Variants in TIMM50 observed in about 807,000 individuals in gnomAD.
TIMM50 encodes mitochondrial import inner membrane translocase subunit TIM50.
TIMM50 carries 34 observed loss-of-function variants against 49.6 expected under a neutral mutation model. The observed-to-expected ratio is 0.69, with a 90% CI of 0.52 to 0.91. TIMM50 has a LOEUF of 0.91. TIMM50 is among the 40% of genes least tolerant of loss of function. The pLI is 0.00. For synonymous variants in TIMM50, 199 were observed against 198.4 expected (o/e 1.00, Z -0.03); for missense variants, 458 against 477.8 (o/e 0.96, Z 0.39).
intron 2 of TIMM50, 130 bp from the exon 3 acceptor site, chr19:39,482,755 G>T: frequency 8.1e-7 from 1 of 1,238,684 alleles, no homozygotes; most frequent in Non-Finnish European, 1.2e-6. Context: ...CCCCCTCCTG[G>T]CTTGACTCCA....
chr19:39,483,306 G>A, intron 4 of TIMM50, 150 bp downstream of exon 4: 1 of 1,017,210 alleles, frequency 9.8e-7, no homozygotes, highest in Non-Finnish European at 1.5e-6. Flanking sequence ...TGTGGGGAGG[G>A]ACATTACAAA....
In TIMM50 at chr19:39,489,767, C is replaced by T. The variant is rs766615677; in HGVS notation, c.1009C>T (p.Leu337Phe). ...GCTCTCCAAGTCCAACAAGCAGAAC[C>T]TCTTCCTTGGCTCCCTCACCAGCCG... ...AELSKSNKQN[L>F]FLGSLTSRLW... Residue 337 changes from leucine to phenylalanine, a missense_variant, in exon 11 of 11, where the codon CTC (leucine) becomes TTC (phenylalanine). Coordinates refer to ENST00000607714, the MANE Select transcript of TIMM50 (RefSeq NM_001001563.5). 7.4e-6 allele frequency: 12 copies of T among 1,612,448 alleles called. No homozygotes were observed. The highest frequency in any genetic ancestry group is 2.2e-5 in the South Asian group (2 of 90,466).
intron 6 of TIMM50, 131 bp from the exon 7 acceptor site, chr19:39,486,056 G>T: frequency 1.8e-6 from 2 of 1,123,470 alleles, no homozygotes; most frequent in South Asian, 1.4e-5. Flanking sequence ...TGAACTTCTT[G>T]ACCTCCAAGA....
chr19:39,481,228 A>G (rs1258040138), intron 1 of TIMM50: 1 of 523,520 alleles, frequency 1.9e-6, no homozygotes, highest in Non-Finnish European at 3.3e-6. Context: ...GTGACCACTC[A>G]GGTGATACTT....
At chr19:39,487,084 G>C (rs187831969) in intron 8 of TIMM50, among the ~76,000 whole-genome samples, 1 of 152,274 alleles carries the variant, frequency 6.6e-6, no homozygotes, top group Admixed American at 6.5e-5. Context: ...TGTGGCTGCA[G>C]ATCTGTCTGC....
rs2079559845 is a variant in TIMM50 at position 39,493,239 on chromosome 19, G to C, written c.*3419G>C. 1 of 152,020 alleles carries C rather than the reference G, an allele frequency of 6.6e-6. No homozygotes were observed. The highest frequency in any genetic ancestry group is 2.1e-4 in the South Asian group (1 of 4,822). 9.4% of individuals were successfully genotyped at this position (152,020 alleles called of 1,614,324 possible). A position where few individuals can be genotyped will look rare whatever the true frequency, so the allele number is the denominator to read the frequency against. ...GCTTGAGGAAGTCTGCAGGACTGAG[G>C]GAGGGGACCTGTGCTTTTTTTTTTG... On this transcript the variant is annotated 3_prime_UTR_variant, in exon 11 of 11. Transcript: ENST00000607714.
Position 39,483,149 on chromosome 19 carries a change from C to T in TIMM50, c.306C>T (p.Phe102=), listed in dbSNP as rs771191151. Residue 102 remains phenylalanine (F), a synonymous_variant, in exon 4 of 11, where the codon TTC becomes TTT. Coordinates refer to ENST00000607714, the MANE Select transcript of TIMM50 (RefSeq NM_001001563.5). ...DENGAKIPDE[F]DNDPILVQQL... is the part of the protein sequence containing the mutation. Reference sequence around the variant, plus strand: ...CTACCTCCCAGATTCCTGATGAGTTCGACAATGGTGAGTAAACAAGCACAG... The same window carrying T: ...CTACCTCCCAGATTCCTGATGAGTTTGACAATGGTGAGTAAACAAGCACAG... The T allele has an allele frequency of 5.0e-6, 8 of 1,614,116 alleles. No homozygotes were observed. The highest frequency in any genetic ancestry group is 1.1e-5 in the South Asian group (1 of 91,074).
At position 39,491,891 on chromosome 19, in the gene TIMM50, G is replaced by T. The variant is rs1463240015; in HGVS notation, c.*2071G>T. The T allele has an allele frequency of 2.1e-5, 3 of 145,008 alleles. No homozygotes were observed. In the South Asian group the frequency reaches 6.7e-4, roughly 33 times the overall value. 9.0% of individuals were successfully genotyped at this position (145,008 alleles called of 1,614,324 possible). A position where few individuals can be genotyped will look rare whatever the true frequency, so the allele number is the denominator to read the frequency against. On this transcript the variant is annotated 3_prime_UTR_variant, in exon 11 of 11. Coordinates refer to ENST00000607714, the MANE Select transcript of TIMM50 (RefSeq NM_001001563.5). ...TTTGGAGTCAGGGTCTCGCTGTGTC[G>T]CCCAGGCTGGAGCACAGTGGTGTAA...
chr19:39,482,575 GC>G (rs941640600), intron 2 of TIMM50, among the ~76,000 whole-genome samples: 3 of 151,798 alleles, frequency 2.0e-5, no homozygotes, highest in African/African-American at 7.3e-5. Context: ...CAGGAGAATG[GC>G]GTGAACCCGG....
At chr19:39,485,443 T>A (rs1568441605) in intron 4 of TIMM50, 101 bp from the exon 5 acceptor site, 1 of 1,426,238 alleles carries the variant, frequency 7.0e-7, no homozygotes. Context: ...CAGGCAGATA[T>A]GCAGACCTGT....
chr19:39,488,967 C>A (rs1215884706), intron 10 of TIMM50, among the ~76,000 whole-genome samples: 1 of 151,758 alleles, frequency 6.6e-6, no homozygotes, highest in East Asian at 1.9e-4. Context: ...GGTTTTAGAT[C>A]AGGCCTGGAA....
At chr19:39,487,063 G>A (rs1043058906) in intron 8 of TIMM50, among the ~76,000 whole-genome samples, 1 of 152,096 alleles carries the variant, frequency 6.6e-6, no homozygotes, top group Non-Finnish European at 1.5e-5. Context: ...CTGTCTGTGT[G>A]GTTCCCTGGG....
In TIMM50 at chr19:39,489,997, A is replaced by G; in HGVS notation, c.*177A>G. On this transcript the variant is annotated 3_prime_UTR_variant, in exon 11 of 11. Transcript: ENST00000607714. ...CGGGACTCTTGGGTCATCGTCCCAC[A>G]GTGGCTGATCGGCTGCCAAGCACAG... is the stretch of plus-strand genomic sequence containing the variant. 1.6e-6 allele frequency: 1 copy of G among 631,492 alleles called. No homozygotes were observed. Among genetic ancestry groups the G allele is most frequent in the Admixed American group, 2.9e-5 (1 of 34,948 alleles). The allele number at this position is 631,492 out of a possible 1,614,324, so 39.1% of individuals were successfully genotyped here.
At chr19:39,485,319 A>G (rs1323775489) in intron 4 of TIMM50, 10 of 589,930 alleles carry the variant, frequency 1.7e-5, no homozygotes, top group African/African-American at 7.5e-5. Flanking sequence ...TACCTGGGGT[A>G]GTATGTGGAT....
intron 4 of TIMM50, 174 bp downstream of exon 4, chr19:39,483,330 T>G: frequency 4.0e-6 from 3 of 743,152 alleles, no homozygotes; most frequent in Non-Finnish European, 4.4e-6. Context: ...CAAGCCCACT[T>G]CCCTGGCCCC....
chr19:39,485,378 C>G (rs1294823970), intron 4 of TIMM50, 166 bp from the exon 5 acceptor site: 3 of 697,878 alleles, frequency 4.3e-6, no homozygotes, highest in Non-Finnish European at 7.4e-6. Context: ...GTGTTCCTAT[C>G]TGGCGGTATG....
In TIMM50 at chr19:39,491,826, C is replaced by CAAAAAA. The variant is rs35118321; in HGVS notation, c.*2026_*2031dup. On this transcript the variant is annotated 3_prime_UTR_variant, in exon 11 of 11. Coordinates refer to ENST00000607714, the MANE Select transcript of TIMM50 (RefSeq NM_001001563.5). Reference sequence around the variant, plus strand: ...TGGGCAACAGAGCGAGACCCTGTCTCAAAAAAAAAAAAAAAAAAAAAAAAA... The same window carrying CAAAAAA: ...TGGGCAACAGAGCGAGACCCTGTCTCAAAAAAAAAAAAAAAAAAAAAAAAAAAAAAA... The CAAAAAA allele has an allele frequency of 1.6e-5, 1 of 64,054 alleles. No individual in the cohort carries two copies. Among genetic ancestry groups the CAAAAAA allele is most frequent in the Non-Finnish European group, 2.8e-5 (1 of 36,124 alleles). The allele number at this position is 64,054 out of a possible 1,614,324, so 4.0% of individuals were successfully genotyped here. A position where few individuals can be genotyped will look rare whatever the true frequency, so the allele number is the denominator to read the frequency against.
chr19:39,485,960 G>A, intron 6 of TIMM50, 153 bp downstream of exon 6: 2 of 1,262,070 alleles, frequency 1.6e-6, no homozygotes, highest in Non-Finnish European at 2.2e-6. Context: ...AGGCAGTCAT[G>A]CTAACACCCA....
At chr19:39,484,413 A>G (rs1026622260) in intron 4 of TIMM50, among the ~76,000 whole-genome samples, 2 of 152,150 alleles carry the variant, frequency 1.3e-5, no homozygotes, top group Non-Finnish European at 2.9e-5. Flanking sequence ...CTAAAAAAAA[A>G]TAAGTTAAAA....
Sources: gnomAD v4.1 joint callset for allele counts (sites outside exome capture counted in the v4.1 genomes callset) on GRCh38, gnomAD v4.1.1 for gene constraint, MANE v1.5 for transcripts, NCBI Gene and HGNC (gene_info 2026-07-23, HGNC 2026-07-21) for gene names.